Variants in DTNA observed in about 807,000 individuals in gnomAD.
The protein encoded by DTNA is dystrobrevin alpha, also known as dystrophin-related protein 3.
In DTNA, 43 loss-of-function variants were observed where a neutral mutation model predicts 100.7. That is an observed-to-expected ratio of 0.43 (90% confidence interval 0.33 to 0.55). The LOEUF is 0.55. Ranked by LOEUF, DTNA falls within the 20% of genes least tolerant of loss-of-function variation. The pLI, the probability that DTNA is intolerant of heterozygous loss-of-function variation, is 0.04. For missense variants in DTNA, 798 were observed against 953.9 expected (o/e 0.84, Z 2.15); for synonymous variants, 349 against 347.9 (o/e 1.00, Z -0.04).
chr18:34,840,279 T>G (rs1413589803), intron 13 of DTNA, among the ~76,000 whole-genome samples: 1 of 152,130 alleles, frequency 6.6e-6, no homozygotes, highest in Non-Finnish European at 1.5e-5. Context: ...AGTATCCACT[T>G]TTTCACAACT....
At chr18:34,859,760 G>A (rs1019451460) in intron 16 of DTNA, among the ~76,000 whole-genome samples, 4 of 151,752 alleles carry the variant, frequency 2.6e-5, no homozygotes, top group African/African-American at 7.3e-5. Context: ...AGATTCTGCC[G>A]CTGCATTTCA....
At chr18:34,809,214 G>A (rs965164244) in intron 5 of DTNA, among the ~76,000 whole-genome samples, 5 of 152,282 alleles carry the variant, frequency 3.3e-5, no homozygotes, top group East Asian at 3.9e-4. Flanking sequence ...AAATCTGCCC[G>A]CAGAGACCAG....
At chr18:34,696,718 A>G (rs1415289232) in intron 1 of DTNA, among the ~76,000 whole-genome samples, 1 of 152,206 alleles carries the variant, frequency 6.6e-6, no homozygotes, top group Non-Finnish European at 1.5e-5. Flanking sequence ...GCTGTACGAG[A>G]TAGACATTTC....
intron 2 of DTNA, among the ~76,000 whole-genome samples, chr18:34,764,214 C>A (rs2148443561): frequency 1.3e-5 from 1 of 74,716 alleles, no homozygotes; most frequent in South Asian, 7.3e-4. Flanking sequence ...GTTCTCAGTG[C>A]AGAAGTCAAG....
At chr18:34,859,340 A>G (rs1054453471) in intron 16 of DTNA, among the ~76,000 whole-genome samples, 7 of 152,204 alleles carry the variant, frequency 4.6e-5, no homozygotes, top group African/African-American at 1.7e-4. Flanking sequence ...ACGAAAGTAC[A>G]CTCTACAGAG....
intron 21 of DTNA, among the ~76,000 whole-genome samples, chr18:34,884,188 C>T (rs1339397486): frequency 6.6e-6 from 1 of 152,186 alleles, no homozygotes; most frequent in Non-Finnish European, 1.5e-5. Flanking sequence ...AGGCCTCCCT[C>T]TTTGAGCTCG....
At position 34,645,729 on chromosome 18, in the gene DTNA, C is replaced by T. The variant is rs193026135; in HGVS notation, c.-1-110247C>T. Among the ~76,000 whole-genome samples the T allele has an allele frequency of 2.6e-5, 4 of 152,186 alleles. 1 individual carries two copies. The highest frequency in any genetic ancestry group is 1.3e-4 in the Admixed American group (2 of 15,276). On this transcript the variant is annotated intron_variant, in intron 1 of 19. Coordinates refer to the DTNA transcript ENST00000283365. Reference sequence around the variant, plus strand: ...AGGGAGTCTCTTCAGTTTCCTGCAACGTCTTTTCTAGAACTCTGTAAGAGA... The same window carrying T: ...AGGGAGTCTCTTCAGTTTCCTGCAATGTCTTTTCTAGAACTCTGTAAGAGA...
intron 3 of DTNA, among the ~76,000 whole-genome samples, chr18:34,766,467 G>A (rs1174744595): frequency 9.5e-6 from 1 of 104,790 alleles, no homozygotes; most frequent in Non-Finnish European, 2.1e-5. Context: ...CTCATAGGTG[G>A]GAACTGAACA....
At chr18:34,844,155 G>A (rs2096329696) in intron 13 of DTNA, among the ~76,000 whole-genome samples, 1 of 152,102 alleles carries the variant, frequency 6.6e-6, no homozygotes, top group African/African-American at 2.4e-5. Context: ...TTAGAAGATA[G>A]AATGCATGAC....
chr18:34,503,812 T>C (rs1041033106), intron 1 of DTNA, among the ~76,000 whole-genome samples: 1 of 151,902 alleles, frequency 6.6e-6, no homozygotes, highest in Non-Finnish European at 1.5e-5. Flanking sequence ...TTTTTAAGTG[T>C]ATCACTGTAC....
chr18:34,774,250 T>A (rs1483884106), intron 3 of DTNA, among the ~76,000 whole-genome samples: 1 of 152,240 alleles, frequency 6.6e-6, no homozygotes, highest in Non-Finnish European at 1.5e-5. Context: ...CAAGCCCTGT[T>A]TCTGGGAAAC....
chr18:34,609,397 AC>A (rs985595624), intron 1 of DTNA, among the ~76,000 whole-genome samples: 13 of 151,760 alleles, frequency 8.6e-5, no homozygotes, highest in African/African-American at 3.1e-4. Flanking sequence ...GGTACCCGCC[AC>A]CCCACCCGGC....
chr18:34,687,391 G>T (rs1254506231), intron 1 of DTNA, among the ~76,000 whole-genome samples: 1 of 152,028 alleles, frequency 6.6e-6, no homozygotes, highest in African/African-American at 2.4e-5. Flanking sequence ...TCTTAATTTT[G>T]TTATTTACCC....
intron 1 of DTNA, among the ~76,000 whole-genome samples, chr18:34,528,060 A>T (rs1335998732): frequency 6.6e-6 from 1 of 152,028 alleles, no homozygotes; most frequent in Non-Finnish European, 1.5e-5. Flanking sequence ...TTCTATTTTT[A>T]TATCTTATTT....
intron 1 of DTNA, among the ~76,000 whole-genome samples, chr18:34,657,800 A>C (rs2074609138): frequency 6.6e-6 from 1 of 152,208 alleles, no homozygotes; most frequent in Admixed American, 6.5e-5. Context: ...ATAGCTCTGA[A>C]TGAAAAAGAA....
chr18:34,708,570 C>T (rs1267644873), upstream of DTNA, among the ~76,000 whole-genome samples: 2 of 152,156 alleles, frequency 1.3e-5, no homozygotes, highest in Admixed American at 6.5e-5. Context: ...TGATCAGTTG[C>T]TCCTAGCTGG....
intron 13 of DTNA, among the ~76,000 whole-genome samples, chr18:34,846,884 C>A (rs2096389137): frequency 6.6e-6 from 1 of 152,124 alleles, no homozygotes; most frequent in Non-Finnish European, 1.5e-5. Flanking sequence ...ATGAATAATT[C>A]TTACAACCTT....
At chr18:34,752,605 A>G (rs2092416232) in intron 1 of DTNA, among the ~76,000 whole-genome samples, 1 of 152,208 alleles carries the variant, frequency 6.6e-6, no homozygotes, top group Non-Finnish European at 1.5e-5. Context: ...ATCTGACTAC[A>G]CTACTTTCCA....
intron 1 of DTNA, among the ~76,000 whole-genome samples, chr18:34,629,729 C>T (rs553493534): frequency 1.3e-5 from 2 of 152,280 alleles, no homozygotes; most frequent in Non-Finnish European, 2.9e-5. Context: ...AGCATATAAG[C>T]CTCCCCAGTC....
Sources: gnomAD v4.1 joint callset for allele counts (sites outside exome capture counted in the v4.1 genomes callset) on GRCh38, gnomAD v4.1.1 for gene constraint, MANE v1.5 for transcripts, NCBI Gene and HGNC (gene_info 2026-07-23, HGNC 2026-07-21) for gene names.